Variants in USP32 observed in about 807,000 individuals in gnomAD.
The protein encoded by USP32 is ubiquitin carboxyl-terminal hydrolase 32.
USP32 carries 59 observed loss-of-function variants against 204.8 expected under a neutral mutation model. The ratio of observed to expected loss-of-function variants is 0.29; its 90% CI spans 0.23 to 0.36. USP32 has a LOEUF of 0.36. USP32 is among the 10% of genes least tolerant of loss of function. USP32 has a pLI of 1.00. For missense variants in USP32, 1,160 were observed against 1,946.4 expected (o/e 0.60, Z 7.60); for synonymous variants, 517 against 678.4 (o/e 0.76, Z 3.70).
At chr17:60,247,976 G>A (rs1266435423) in intron 11 of USP32, among the ~76,000 whole-genome samples, 5 of 152,092 alleles carry the variant, frequency 3.3e-5, no homozygotes, top group Non-Finnish European at 5.9e-5. Context: ...GAGCCACCAC[G>A]CCTGGCCTGG....
intron 1 of USP32, among the ~76,000 whole-genome samples, chr17:60,349,722 C>T (rs1227883946): frequency 1.5e-5 from 2 of 137,802 alleles, no homozygotes; most frequent in African/African-American, 5.3e-5. Context: ...TGAATTTATT[C>T]ACTTAAACTG....
At chr17:60,410,493 C>G (rs1262113278) in intron 1 of USP32, among the ~76,000 whole-genome samples, 2 of 151,772 alleles carry the variant, frequency 1.3e-5, no homozygotes, top group African/African-American at 2.4e-5. Flanking sequence ...ACGGTGAAAC[C>G]CTGTCTCTAC....
chr17:60,421,444 G>A lies in USP32; in HGVS notation c.106+802C>T, dbSNP rs748707266. On this transcript the variant is annotated intron_variant, in intron 1 of 3. Transcript: ENST00000588898. ...GGCAGGGGAGGCCCGGGCCGACGGC[G>A]GTCCCACCGCACTGTCGCGAAGGCA... The A allele has an allele frequency of 8.7e-5, 86 of 985,534 alleles. 1 individual carries two copies. In the Admixed American group the frequency reaches 1.8e-3, roughly 21 times the overall value. The allele number at this position is 985,534 out of a possible 1,614,324, so 61.0% of individuals were successfully genotyped here.
intron 9 of USP32, among the ~76,000 whole-genome samples, chr17:60,260,197 C>T (rs920478045): frequency 6.6e-6 from 1 of 152,050 alleles, no homozygotes; most frequent in African/African-American, 2.4e-5. Flanking sequence ...TTGAAAATGA[C>T]TTTTTGGCTA....
chr17:60,288,929 G>A (rs1056757960), intron 4 of USP32, among the ~76,000 whole-genome samples: 4 of 152,312 alleles, frequency 2.6e-5, no homozygotes, highest in South Asian at 2.1e-4. Flanking sequence ...CATCAATTCA[G>A]TAAAGCAGTA....
intron 1 of USP32, chr17:60,421,075 A>G (rs996831772): frequency 6.6e-6 from 1 of 152,282 alleles, no homozygotes; most frequent in Non-Finnish European, 1.5e-5. Context: ...TTTAAAATAC[A>G]TTGTTTACCA....
chr17:60,251,841 A>G (rs1477358229), intron 11 of USP32, among the ~76,000 whole-genome samples: 3 of 152,114 alleles, frequency 2.0e-5, no homozygotes, highest in Non-Finnish European at 2.9e-5. Flanking sequence ...CTAGCCAATC[A>G]TTTAAAATTA....
At chr17:60,272,222 C>A (rs2086740337) in intron 5 of USP32, among the ~76,000 whole-genome samples, 1 of 152,136 alleles carries the variant, frequency 6.6e-6, no homozygotes. Flanking sequence ...TCTGATTCAT[C>A]CTGTCAATAC....
intron 28 of USP32, among the ~76,000 whole-genome samples, chr17:60,192,547 G>A (rs965619758): frequency 1.1e-4 from 17 of 152,100 alleles, no homozygotes; most frequent in Non-Finnish European, 2.2e-4. Context: ...CGATTCTCCT[G>A]CCTCAGTCTC....
chr17:60,332,681 T>C (rs1269547387), intron 2 of USP32, among the ~76,000 whole-genome samples: 1 of 152,166 alleles, frequency 6.6e-6, no homozygotes, highest in Non-Finnish European at 1.5e-5. Flanking sequence ...CTATATAACC[T>C]ATGCTTTCCC....
At chr17:60,306,292 G>A (rs1455236018) in intron 2 of USP32, among the ~76,000 whole-genome samples, 2 of 152,148 alleles carry the variant, frequency 1.3e-5, no homozygotes, top group East Asian at 1.9e-4. Context: ...CTTAATAAAG[G>A]TAAAGTGTTA....
intron 2 of USP32, among the ~76,000 whole-genome samples, chr17:60,343,865 C>T (rs567918396): frequency 6.6e-6 from 1 of 152,136 alleles, no homozygotes; most frequent in East Asian, 2.0e-4. Flanking sequence ...AACCTCGTCT[C>T]TACTAAAAAT....
chr17:60,234,458 T>C (rs2085663546), intron 12 of USP32, among the ~76,000 whole-genome samples: 1 of 149,018 alleles, frequency 6.7e-6, no homozygotes, highest in Non-Finnish European at 1.5e-5. Flanking sequence ...CCGGGCGTGG[T>C]GGTTCACGCC....
chr17:60,261,657 T>TAAAAAC (rs1173988401), intron 9 of USP32, among the ~76,000 whole-genome samples: 7 of 150,560 alleles, frequency 4.6e-5, no homozygotes, highest in African/African-American at 9.8e-5. Context: ...AAAACAAAAA[T>TAAAAAC]AAAAACAAAA....
At chr17:60,213,035 G>A (rs548345764) in intron 18 of USP32, among the ~76,000 whole-genome samples, 1 of 152,220 alleles carries the variant, frequency 6.6e-6, no homozygotes, top group African/African-American at 2.4e-5. Flanking sequence ...TTACAGGCGT[G>A]AGCCACTGCG....
chr17:60,388,289 TACACACAC>T (rs35068599), intron 1 of USP32, among the ~76,000 whole-genome samples: 15 of 141,910 alleles, frequency 1.1e-4, no homozygotes, highest in East Asian at 4.0e-4. Flanking sequence ...AGCCGATTCT[TACACACAC>T]ACACACACAC....
intron 5 of USP32, among the ~76,000 whole-genome samples, chr17:60,273,624 A>G (rs1050837796): frequency 2.6e-5 from 4 of 152,160 alleles, no homozygotes; most frequent in Non-Finnish European, 5.9e-5. Context: ...AGAAAACATG[A>G]AAGTAGTAGA....
rs376930511 is a variant in USP32 at position 60,413,785 on chromosome 17, A to G, written c.106+8461T>C. On this transcript the variant is annotated intron_variant, in intron 1 of 3. Coordinates refer to the USP32 transcript ENST00000588898. Reference sequence around the variant, plus strand: ...GAGGCTAAGGCAGGAGAATCACTTGAACCCAGGAGGCGGAGGTTGCAGTGA... The same window carrying G: ...GAGGCTAAGGCAGGAGAATCACTTGGACCCAGGAGGCGGAGGTTGCAGTGA... 8.1e-4 allele frequency among the ~76,000 whole-genome samples: 122 copies of G among 151,192 alleles called. 1 individual carries two copies. The highest frequency in any genetic ancestry group is 2.8e-3 in the African/African-American group (113 of 41,018).
chr17:60,282,933 A>G (rs939221665), intron 5 of USP32, among the ~76,000 whole-genome samples: 3 of 152,252 alleles, frequency 2.0e-5, no homozygotes, highest in Non-Finnish European at 4.4e-5. Context: ...GACCTGAGCC[A>G]TATTCCCAAG....
Sources: gnomAD v4.1 joint callset for allele counts (sites outside exome capture counted in the v4.1 genomes callset) on GRCh38, gnomAD v4.1.1 for gene constraint, MANE v1.5 for transcripts, NCBI Gene and HGNC (gene_info 2026-07-23, HGNC 2026-07-21) for gene names.